The following NLRP2 variants were observed in gnomAD, a reference collection of about 807,000 sequenced individuals.
NLRP2 encodes the protein NLR family pyrin domain containing 2.
Under a neutral mutation model 97.2 loss-of-function variants are expected in NLRP2, and 107 were observed. That is an observed-to-expected ratio of 1.10 (90% CI 0.94 to 1.29). NLRP2 has a LOEUF of 1.29. Among genes scored for constraint, NLRP2 ranks in the 50% most tolerant of loss-of-function variants. The pLI is 0.00. For missense variants in NLRP2, 1,495 were observed against 1,330.3 expected, an observed-to-expected ratio of 1.12 and a Z score of -1.93; for synonymous variants, 663 against 551.5, an observed-to-expected ratio of 1.20 and a Z score of -2.83.
chr19:54,992,055 T>G (rs2072510697), intron 10 of NLRP2, among the ~76,000 whole-genome samples: 1 of 150,844 alleles, frequency 6.6e-6, no homozygotes, highest in Admixed American at 6.6e-5. Context: ...TAGCTGGGAT[T>G]ACAGGCACTC....
chr19:54,994,182 T>TA, intron 10 of NLRP2, 87 bp from the exon 11 acceptor site: 1 of 1,399,606 alleles, frequency 7.1e-7, no homozygotes, highest in East Asian at 2.3e-5. Flanking sequence ...TAAGTGTGTC[T>TA]AACCCACGGC....
intron 8 of NLRP2, among the ~76,000 whole-genome samples, chr19:54,987,040 A>G (rs996086659): frequency 6.6e-6 from 1 of 151,400 alleles, no homozygotes; most frequent in Non-Finnish European, 1.5e-5. Flanking sequence ...GCACACCACC[A>G]CACCTGGTTA....
intron 2 of NLRP2, among the ~76,000 whole-genome samples, chr19:54,971,847 G>C (rs2146347369): frequency 8.8e-6 from 1 of 113,794 alleles, no homozygotes; most frequent in East Asian, 2.1e-4. Flanking sequence ...AACTCTTCTT[G>C]AGAGAGGATC....
At chr19:54,975,653 C>T (rs909373922) in intron 3 of NLRP2, among the ~76,000 whole-genome samples, 10 of 151,720 alleles carry the variant, frequency 6.6e-5, no homozygotes, top group South Asian at 2.1e-4. Context: ...GGGGTTTCAC[C>T]GTGTTAGCCA....
At chr19:54,984,601 G>T (rs1193464319) in intron 6 of NLRP2, among the ~76,000 whole-genome samples, 1 of 146,698 alleles carries the variant, frequency 6.8e-6, no homozygotes, top group African/African-American at 2.6e-5. Context: ...TCCTGCCTCA[G>T]CCTCATGAGT....
At position 55,000,948 on chromosome 19, in the gene NLRP2, T is replaced by A; in HGVS notation, c.*50T>A. 6.3e-7 allele frequency: 1 copy of A among 1,592,182 alleles called. No homozygotes were observed. The highest frequency in any genetic ancestry group is 8.6e-7 in the Non-Finnish European group (1 of 1,162,186). ...ATGAAGTCATCGATTTTCCAGGTGT[T>A]GGTGAACTGCCTGTGACTCCTCTCC... On this transcript the variant is annotated 3_prime_UTR_variant, in exon 13 of 13. Coordinates refer to ENST00000448584, the MANE Select transcript of NLRP2 (RefSeq NM_017852.5).
intron 12 of NLRP2, among the ~76,000 whole-genome samples, chr19:55,000,319 C>T (rs904151227): frequency 8.0e-4 from 84 of 104,614 alleles, no homozygotes; most frequent in Middle Eastern, 0.019. Context: ...TGAGATCGCC[C>T]AGGCTGGAGT....
chr19:54,986,556 C>CTTT lies in NLRP2; in HGVS notation c.2366+254_2366+256dup, dbSNP rs72407709. ...AAGAAACTCCCAGAATCTTTATCAT[C>CTTT]TTTTTTTTTTTTTTTATGAAGTCTT... On this transcript the variant is annotated intron_variant, in intron 8 of 12. Coordinates refer to ENST00000448584, the MANE Select transcript of NLRP2 (RefSeq NM_017852.5). Among the ~76,000 whole-genome samples the CTTT allele has an allele frequency of 7.5e-3, 1,085 of 144,566 alleles. 18 individuals carry two copies. Among genetic ancestry groups the CTTT allele is most frequent in the African/African-American group, 0.023 (890 of 39,404 alleles). 94.8% of individuals were successfully genotyped at this position (144,566 alleles called of 152,430 possible). A position where few individuals can be genotyped will look rare whatever the true frequency, so the allele number is the denominator to read the frequency against.
intron 3 of NLRP2, among the ~76,000 whole-genome samples, 197 bp from the exon 4 acceptor site, chr19:54,977,555 G>A (rs1382535377): frequency 5.3e-5 from 8 of 149,980 alleles, no homozygotes; most frequent in African/African-American, 2.0e-4. Flanking sequence ...AACTACTTAG[G>A]AATTCTCACC....
At chr19:54,996,281 A>G (rs1013394980) in intron 11 of NLRP2, among the ~76,000 whole-genome samples, 11 of 151,940 alleles carry the variant, frequency 7.2e-5, no homozygotes, top group African/African-American at 2.7e-4. Context: ...CAGGTGGATC[A>G]CCTAAGGTCA....
chr19:54,990,819 T>C (rs990363710), intron 10 of NLRP2, 147 bp downstream of exon 10: 11 of 781,258 alleles, frequency 1.4e-5, no homozygotes. Flanking sequence ...CCTGGGTAGA[T>C]GATGGTAGGA....
chr19:54,983,348 G>C lies in NLRP2; in HGVS notation c.1650G>C (p.Leu550=). 6.2e-7 allele frequency: 1 copy of C among 1,614,208 alleles called. No individual in the cohort carries two copies. Among genetic ancestry groups the C allele is most frequent in the East Asian group, 2.2e-5 (1 of 44,878 alleles). Residue 550 remains leucine (L), a synonymous_variant, in exon 6 of 13, where the codon CTG becomes CTC. Transcript: ENST00000448584. ...TAGAAAGACTCAGGAACCCCGACCT[G>C]ATCCAAGCAGGCTACTACTCCTTTG... The part of the protein sequence containing the change: ...SGVERLRNPD[L]IQAGYYSFGL...
At chr19:54,995,544 A>T (rs2072760976) in intron 11 of NLRP2, among the ~76,000 whole-genome samples, 1 of 151,614 alleles carries the variant, frequency 6.6e-6, no homozygotes, top group African/African-American at 2.4e-5. Context: ...AGATCCTGTC[A>T]CTACACTCCA....
chr19:54,992,969 G>A lies in NLRP2; in HGVS notation c.2709-1300G>A, dbSNP rs150292902. ...GTCATGGAAGTTTCTAGAAGGCCGG[G>A]TAGGGTCTTTGAGAGGCCGAGGCAG... On this transcript the variant is annotated intron_variant, in intron 10 of 12. Coordinates refer to ENST00000448584, the MANE Select transcript of NLRP2 (RefSeq NM_017852.5). 8.5e-3 allele frequency among the ~76,000 whole-genome samples: 1,297 copies of A among 152,080 alleles called. 7 individuals carry two copies. The highest frequency in any genetic ancestry group is 0.024 in the Middle Eastern group (7 of 294).
intron 3 of NLRP2, among the ~76,000 whole-genome samples, chr19:54,975,741 C>G (rs140744979): frequency 6.6e-6 from 1 of 151,900 alleles, no homozygotes; most frequent in Non-Finnish European, 1.5e-5. Flanking sequence ...CGTGAGCCAC[C>G]GCGCCCGGCC....
intron 6 of NLRP2, 136 bp from the exon 7 acceptor site, chr19:54,984,908 ATGG>A: frequency 1.2e-6 from 1 of 803,670 alleles, no homozygotes; most frequent in Non-Finnish European, 2.2e-6. Context: ...GAGTTGTCTG[ATGG>A]TGGTGCTAAT....
chr19:54,983,737 C>CGTTT lies in NLRP2; in HGVS notation c.2030+10_2030+13dup, dbSNP rs778164154. On this transcript the variant is annotated intron_variant, in intron 6 of 12. Coordinates refer to ENST00000448584, the MANE Select transcript of NLRP2 (RefSeq NM_017852.5). The stretch of plus-strand genomic sequence containing the variant: ...GACGCCGAGGTTGAGAGGTGAGAAC[C>CGTTT]GTTTCACTCTACCAGTCGTTCCATC... The CGTTT allele has an allele frequency of 1.6e-5, 26 of 1,608,156 alleles. No homozygotes were observed. The highest frequency in any genetic ancestry group is 2.2e-5 in the Non-Finnish European group (26 of 1,179,852).
chr19:54,990,416 C>T (rs2072392366), intron 9 of NLRP2, 86 bp from the exon 10 acceptor site: 2 of 1,413,554 alleles, frequency 1.4e-6, no homozygotes. Context: ...CAAGAAGGGG[C>T]TTTTGGATGC....
rs771454157 is a variant in NLRP2 at position 54,986,154 on chromosome 19, C to G, written c.2205C>G (p.Phe735Leu). ...SDTCHLQRVVFKNISPADAHR... is the reference protein window; with the variant it reads ...SDTCHLQRVVLKNISPADAHR... Reference sequence around the variant, plus strand: ...ACTTTCGTTCTCTTTTCCCTAGGTTCAAAAACATTTCCCCAGCTGATGCTC... The same window carrying G: ...ACTTTCGTTCTCTTTTCCCTAGGTTGAAAAACATTTCCCCAGCTGATGCTC... Residue 735 changes from phenylalanine to leucine, a missense_variant, in exon 8 of 13, where the codon TTC becomes TTG. Physicochemically the swap from Phe to Leu is conservative, Grantham distance 22 (BLOSUM62 0). Coordinates refer to ENST00000448584, the MANE Select transcript of NLRP2 (RefSeq NM_017852.5). 5 of 1,611,944 alleles carry G rather than the reference C, an allele frequency of 3.1e-6. No homozygotes were observed. Among genetic ancestry groups the G allele is most frequent in the Non-Finnish European group, 8.5e-7 (1 of 1,178,092 alleles).
Sources: gnomAD v4.1 joint callset for allele counts (sites outside exome capture counted in the v4.1 genomes callset) on GRCh38, gnomAD v4.1.1 for gene constraint, MANE v1.5 for transcripts, NCBI Gene and HGNC (gene_info 2026-07-23, HGNC 2026-07-21) for gene names.